ABTB3: variants seen among roughly 807,000 people sequenced by gnomAD.
ABTB3 encodes the protein ankyrin repeat and BTB domain containing 3.
At chr12:107,505,760 C>G in the ABTB3 span, among the ~76,000 whole-genome samples, 3 of 152,086 alleles carry the variant, frequency 2.0e-5, no homozygotes, top group Admixed American at 6.5e-5. Flanking sequence ...CACTTAGCTC[C>G]CACTTATAAA....
chr12:107,634,244 C>A, the ABTB3 span, among the ~76,000 whole-genome samples: 1 of 152,180 alleles, frequency 6.6e-6, no homozygotes, highest in Non-Finnish European at 1.5e-5. Context: ...TCACTAGTGG[C>A]CCCAAACCCA....
the ABTB3 span, among the ~76,000 whole-genome samples, chr12:107,321,603 C>CCACACACACACACA: frequency 4.7e-5 from 4 of 85,474 alleles, no homozygotes; most frequent in African/African-American, 1.8e-4. Context: ...ATCTTCGAGG[C>CCACACACACACACA]CACACACACA....
At chr12:107,450,410 C>G in the ABTB3 span, among the ~76,000 whole-genome samples, 1 of 152,050 alleles carries the variant, frequency 6.6e-6, no homozygotes, top group Non-Finnish European at 1.5e-5. Flanking sequence ...AATGAAGACT[C>G]CATCCCTCGA....
At chr12:107,353,365 G>A in the ABTB3 span, among the ~76,000 whole-genome samples, 1 of 152,108 alleles carries the variant, frequency 6.6e-6, no homozygotes, top group South Asian at 2.1e-4. Flanking sequence ...GATGCTCAAG[G>A]AATGTTCCAG....
the ABTB3 span, among the ~76,000 whole-genome samples, chr12:107,467,928 T>A: frequency 6.6e-6 from 1 of 152,140 alleles, no homozygotes; most frequent in African/African-American, 2.4e-5. Flanking sequence ...TCCCTCCAGA[T>A]GTGATCCGCT....
chr12:107,350,314 G>A, the ABTB3 span, among the ~76,000 whole-genome samples: 1 of 152,106 alleles, frequency 6.6e-6, no homozygotes, highest in African/African-American at 2.4e-5. Context: ...CACTTTGGGA[G>A]GCCGAGGCGA....
the ABTB3 span, among the ~76,000 whole-genome samples, chr12:107,651,342 G>GAT: frequency 1.3e-5 from 2 of 152,176 alleles, no homozygotes; most frequent in Non-Finnish European, 2.9e-5. Flanking sequence ...GAGACACCTT[G>GAT]ATATCCATCT....
At chr12:107,587,975 C>A in the ABTB3 span, among the ~76,000 whole-genome samples, 1 of 152,150 alleles carries the variant, frequency 6.6e-6, no homozygotes, top group Non-Finnish European at 1.5e-5. Flanking sequence ...TGCTGCAGGG[C>A]CATACTCCTT....
the ABTB3 span, among the ~76,000 whole-genome samples, chr12:107,633,791 T>C: frequency 6.6e-6 from 1 of 152,150 alleles, no homozygotes; most frequent in Non-Finnish European, 1.5e-5. Flanking sequence ...TTCTCAAACT[T>C]AAGGGAATGT....
the ABTB3 span, among the ~76,000 whole-genome samples, chr12:107,619,074 G>A: frequency 3.3e-5 from 5 of 152,182 alleles, no homozygotes; most frequent in South Asian, 2.1e-4. Flanking sequence ...CCTAAACACA[G>A]GGTGTGGCAG....
At chr12:107,495,597 G>C in the ABTB3 span, among the ~76,000 whole-genome samples, 2 of 152,202 alleles carry the variant, frequency 1.3e-5, no homozygotes, top group Admixed American at 6.5e-5. Context: ...CCACCTCCAA[G>C]TCACAGCCAA....
At chr12:107,582,515 T>C in the ABTB3 span, among the ~76,000 whole-genome samples, 3 of 152,218 alleles carry the variant, frequency 2.0e-5, no homozygotes, top group Admixed American at 2.0e-4. Flanking sequence ...CCATGCCTTG[T>C]ACCTTGTCAC....
At chr12:107,448,645 C>CTT in the ABTB3 span, among the ~76,000 whole-genome samples, 2 of 134,036 alleles carry the variant, frequency 1.5e-5, no homozygotes, top group African/African-American at 3.5e-5. Context: ...TTCTTTCTTT[C>CTT]TTTTTTTTTT....
the ABTB3 span, among the ~76,000 whole-genome samples, chr12:107,530,116 G>A: frequency 1.3e-5 from 2 of 152,178 alleles, no homozygotes; most frequent in South Asian, 4.1e-4. Flanking sequence ...AAGAACAGAA[G>A]AAGGGAACCG....
chr12:107,459,357 A>C, the ABTB3 span, among the ~76,000 whole-genome samples: 1 of 152,234 alleles, frequency 6.6e-6, no homozygotes, highest in Non-Finnish European at 1.5e-5. Flanking sequence ...ACAAGTATTT[A>C]CTGAGTGCCA....
the ABTB3 span, among the ~76,000 whole-genome samples, chr12:107,415,805 G>A: frequency 6.6e-6 from 1 of 152,132 alleles, no homozygotes; most frequent in African/African-American, 2.4e-5. Flanking sequence ...TCAGTTAATG[G>A]TAGAGCTAGA....
the ABTB3 span, among the ~76,000 whole-genome samples, chr12:107,371,930 C>T: frequency 1.3e-5 from 2 of 152,180 alleles, no homozygotes; most frequent in South Asian, 2.1e-4. Flanking sequence ...TGATGAGAAT[C>T]GGCATGTGAG....
chr12:107,580,948 G>C, the ABTB3 span: 1 of 1,551,618 alleles, frequency 6.4e-7, no homozygotes. Context: ...AGCCTGCCCC[G>C]GGGTCACCGG....
At chr12:107,656,291 G>A in the ABTB3 span, among the ~76,000 whole-genome samples, 1 of 133,460 alleles carries the variant, frequency 7.5e-6, no homozygotes, top group Non-Finnish European at 1.6e-5. Context: ...ACAGAGTGAG[G>A]CTCTGTCAAA....
Sources: gnomAD v4.1 joint callset for allele counts (sites outside exome capture counted in the v4.1 genomes callset) on GRCh38, gnomAD v4.1.1 for gene constraint, MANE v1.5 for transcripts, NCBI Gene and HGNC (gene_info 2026-07-23, HGNC 2026-07-21) for gene names.